Variants in TTLL5 observed in about 807,000 individuals in gnomAD.
TTLL5 encodes the protein tubulin tyrosine ligase like 5, also known as tubulin polyglutamylase TTLL5.
A neutral mutation model predicts 168.4 loss-of-function variants in TTLL5; 132 were observed. The observed-to-expected ratio is 0.78, with a 90% CI of 0.68 to 0.91. TTLL5 has a LOEUF of 0.91. Ranked by LOEUF, TTLL5 falls within the 40% of genes least tolerant of loss-of-function variation. TTLL5 has a pLI of 0.00. For synonymous variants in TTLL5, 546 were observed against 558.6 expected (o/e 0.98, Z 0.32); for missense variants, 1,545 against 1,581.5 (o/e 0.98, Z 0.39).
chr14:75,864,647 G>A (rs2030359707), intron 29 of TTLL5, among the ~76,000 whole-genome samples: 1 of 152,122 alleles, frequency 6.6e-6, no homozygotes, highest in African/African-American at 2.4e-5. Context: ...ATTTTTCTTG[G>A]TGACTCAGGA....
intron 31 of TTLL5, among the ~76,000 whole-genome samples, chr14:75,944,950 A>G (rs531958462): frequency 2.6e-5 from 4 of 152,040 alleles, no homozygotes; most frequent in South Asian, 2.1e-4. Context: ...CATGCGTACA[A>G]CTCCAGTAAA....
chr14:75,732,382 TG>T lies in TTLL5; in HGVS notation c.1089del (p.Trp363CysfsTer5). The T allele has an allele frequency of 1.9e-6, 3 of 1,613,938 alleles. No individual in the cohort carries two copies. Among genetic ancestry groups the T allele is most frequent in the Non-Finnish European group, 2.5e-6 (3 of 1,179,892 alleles). On this transcript the variant is annotated frameshift_variant, in exon 13 of 32. Coordinates refer to ENST00000298832, the MANE Select transcript of TTLL5 (RefSeq NM_015072.5). LOFTEE classifies it high-confidence loss of function. ...DVLIDSTLKP[W>X]LLEVNLSPSL... is the part of the protein sequence containing the mutation. Reference sequence around the variant, plus strand: ...GCTCATAGATTCTACTCTGAAGCCATGGTTGTTGGAAGTGAATCTCTCTCCT... The same window carrying T: ...GCTCATAGATTCTACTCTGAAGCCATGTTGTTGGAAGTGAATCTCTCTCCT...
intron 10 of TTLL5, among the ~76,000 whole-genome samples, chr14:75,718,879 GGAAA>G (rs1413845100): frequency 1.3e-5 from 2 of 152,152 alleles, no homozygotes; most frequent in African/African-American, 4.8e-5. Flanking sequence ...GCAGGTCCAA[GGAAA>G]GAAAGAAAGG....
At chr14:75,703,474 T>C (rs1886425908) in intron 7 of TTLL5, among the ~76,000 whole-genome samples, 1 of 152,180 alleles carries the variant, frequency 6.6e-6, no homozygotes, top group South Asian at 2.1e-4. Flanking sequence ...TCTTTAGAAA[T>C]ACAGCATAAA....
At chr14:75,752,070 A>G (rs557346144) in intron 17 of TTLL5, among the ~76,000 whole-genome samples, 244 of 152,134 alleles carry the variant, frequency 1.6e-3, no homozygotes, top group African/African-American at 5.4e-3. Context: ...AGTGAGGACA[A>G]CCATTGTTCC....
chr14:75,672,622 G>T (rs1047438751), intron 3 of TTLL5, among the ~76,000 whole-genome samples: 5 of 152,164 alleles, frequency 3.3e-5, no homozygotes, highest in Non-Finnish European at 7.3e-5. Context: ...TGATGCCTTT[G>T]TCTGGCTTTG....
chr14:75,755,754 C>A (rs1010271992), intron 18 of TTLL5, among the ~76,000 whole-genome samples: 5 of 152,170 alleles, frequency 3.3e-5, no homozygotes, highest in Non-Finnish European at 5.9e-5. Context: ...GTTCTCTCAT[C>A]AGTCTAAATT....
At chr14:75,810,435 A>G (rs914165600) in intron 27 of TTLL5, among the ~76,000 whole-genome samples, 1 of 152,018 alleles carries the variant, frequency 6.6e-6, no homozygotes, top group Non-Finnish European at 1.5e-5. Flanking sequence ...TGGTGTGATT[A>G]TGGTTCACTG....
rs555931167 is a variant in TTLL5 at position 75,687,898 on chromosome 14, C to T, written c.372-2294C>T. Among the ~76,000 whole-genome samples, 13 of 152,234 alleles carry T rather than the reference C, an allele frequency of 8.5e-5. No individual in the cohort carries two copies. The South Asian group carries it at 1.7e-3, about 19-fold the overall frequency. On this transcript the variant is annotated intron_variant, in intron 5 of 31. Coordinates refer to ENST00000298832, the MANE Select transcript of TTLL5 (RefSeq NM_015072.5). ...AAACTATACAAAGTATCAGTATACC[C>T]GTTAGAATGGCTAAAAACAAAAGCC...
intron 18 of TTLL5, among the ~76,000 whole-genome samples, chr14:75,753,783 A>T (rs1367470586): frequency 6.6e-6 from 1 of 152,136 alleles, no homozygotes; most frequent in Non-Finnish European, 1.5e-5. Context: ...TCATTTCTTT[A>T]TATGTATAAA....
intron 7 of TTLL5, among the ~76,000 whole-genome samples, chr14:75,706,764 T>G (rs1237369760): frequency 2.0e-5 from 3 of 151,742 alleles, no homozygotes; most frequent in Non-Finnish European, 4.4e-5. Flanking sequence ...ATTTATTTAT[T>G]TATTTATTTA....
At chr14:75,949,390 G>T (rs2034880604) in intron 31 of TTLL5, among the ~76,000 whole-genome samples, 2 of 110,678 alleles carry the variant, frequency 1.8e-5, no homozygotes, top group Admixed American at 1.0e-4. Flanking sequence ...TATATATATA[G>T]GATATAGAAT....
At position 75,902,272 on chromosome 14, in the gene TTLL5, T is replaced by C. The variant is rs1311505996; in HGVS notation, c.3823+48T>C. The C allele has an allele frequency of 5.0e-6, 8 of 1,592,408 alleles. 1 individual carries two copies. In the South Asian group the frequency reaches 8.9e-5, roughly 18 times the overall value. On this transcript the variant is annotated intron_variant, in intron 31 of 31. Coordinates refer to ENST00000298832, the MANE Select transcript of TTLL5 (RefSeq NM_015072.5). Reference sequence around the variant, plus strand: ...GCAACTGGATAGATGACAGGGAAGGTGTTGGGCTTGGCACATTCTCTCTTC... The same window carrying C: ...GCAACTGGATAGATGACAGGGAAGGCGTTGGGCTTGGCACATTCTCTCTTC...
chr14:75,715,476 A>G (rs1489209722), intron 9 of TTLL5, among the ~76,000 whole-genome samples: 3 of 152,108 alleles, frequency 2.0e-5, no homozygotes, highest in Non-Finnish European at 4.4e-5. Flanking sequence ...ATAAAAAAGA[A>G]AATAGTGGTC....
At chr14:75,735,881 CCAT>C (rs996251751) in intron 15 of TTLL5, among the ~76,000 whole-genome samples, 1 of 152,144 alleles carries the variant, frequency 6.6e-6, no homozygotes, top group Non-Finnish European at 1.5e-5. Flanking sequence ...TTTACTCATT[CCAT>C]CATCTTGTCA....
intron 28 of TTLL5, among the ~76,000 whole-genome samples, chr14:75,827,660 T>C (rs1895266490): frequency 2.0e-5 from 3 of 151,278 alleles, no homozygotes; most frequent in South Asian, 4.2e-4. Context: ...AAGATTCATA[T>C]TAATTTCACT....
At chr14:75,757,819 C>A in intron 18 of TTLL5, 1 of 1,589,238 alleles carries the variant, frequency 6.3e-7, no homozygotes, top group Non-Finnish European at 8.5e-7. Context: ...GTTGTCCTTT[C>A]TGCTTCTGTA....
intron 31 of TTLL5, among the ~76,000 whole-genome samples, chr14:75,933,291 C>CA (rs962860929): frequency 9.2e-5 from 14 of 151,830 alleles, no homozygotes; most frequent in African/African-American, 2.4e-4. Context: ...CTCATCTCTA[C>CA]AAAAAAAAAT....
intron 29 of TTLL5, among the ~76,000 whole-genome samples, chr14:75,866,861 TGA>T (rs1360547729): frequency 2.0e-5 from 3 of 151,914 alleles, no homozygotes; most frequent in East Asian, 3.9e-4. Context: ...GACATGGGAG[TGA>T]GAGAGGAAAG....
Sources: gnomAD v4.1 joint callset for allele counts (sites outside exome capture counted in the v4.1 genomes callset) on GRCh38, gnomAD v4.1.1 for gene constraint, MANE v1.5 for transcripts, NCBI Gene and HGNC (gene_info 2026-07-23, HGNC 2026-07-21) for gene names.